GPR149: variants seen among roughly 807,000 people sequenced by gnomAD.
GPR149 encodes the protein G protein-coupled receptor 149.
A neutral mutation model predicts 50.2 loss-of-function variants in GPR149; 50 were observed. The observed-to-expected ratio is 1.00, with a 90% CI of 0.79 to 1.26. The LOEUF (loss-of-function observed/expected upper bound fraction) is 1.26, where lower values mean the gene tolerates loss of function less well. Ranked by LOEUF, GPR149 falls within the 50% of genes most tolerant of loss-of-function variation. The probability of loss-of-function intolerance (pLI) is 0.00; values close to 1 mark genes in which losing one functional copy is unlikely to be tolerated. For missense variants in GPR149, 983 were observed against 895.4 expected (o/e 1.10, Z -1.25); for synonymous variants, 405 against 358.2 (o/e 1.13, Z -1.48).
chr3:154,375,594 ATT>A (rs1476035112), intron 3 of GPR149, among the ~76,000 whole-genome samples: 1 of 152,210 alleles, frequency 6.6e-6, no homozygotes, highest in African/African-American at 2.4e-5. Flanking sequence ...CTTATCAAAC[ATT>A]TTAACAGATG....
At chr3:154,426,941 T>A (rs1179129980) in intron 2 of GPR149, among the ~76,000 whole-genome samples, 1 of 151,700 alleles carries the variant, frequency 6.6e-6, no homozygotes, top group East Asian at 1.9e-4. Context: ...ACACTTACAA[T>A]TTGTTTTGGA....
intron 3 of GPR149, among the ~76,000 whole-genome samples, chr3:154,347,909 C>A (rs1438588400): frequency 6.6e-6 from 1 of 152,142 alleles, no homozygotes; most frequent in African/African-American, 2.4e-5. Flanking sequence ...TGAAGTATTG[C>A]AAAGGCAAAA....
chr3:154,361,957 T>C (rs1165829290), intron 3 of GPR149, among the ~76,000 whole-genome samples: 1 of 152,032 alleles, frequency 6.6e-6, no homozygotes, highest in Non-Finnish European at 1.5e-5. Context: ...AATTTAGTAG[T>C]TTAGAATTGG....
chr3:154,355,318 G>A (rs192983386), intron 3 of GPR149, among the ~76,000 whole-genome samples: 6 of 152,304 alleles, frequency 3.9e-5, no homozygotes, highest in African/African-American at 7.2e-5. Flanking sequence ...GAGCCACCAC[G>A]CCCGGCCACT....
chr3:154,407,693 T>TACACACACACACACACACACAC (rs1175398541), intron 3 of GPR149, among the ~76,000 whole-genome samples: 1,558 of 139,920 alleles, frequency 0.011, 19 homozygotes, highest in East Asian at 0.038. Context: ...GTCATGTGTA[T>TACACACACACACACACACACAC]ACACACACAC....
intron 3 of GPR149, among the ~76,000 whole-genome samples, chr3:154,413,458 G>GA (rs1177883077): frequency 6.6e-6 from 1 of 151,410 alleles, no homozygotes; most frequent in Non-Finnish European, 1.5e-5. Context: ...GGTCATCAAG[G>GA]AAAAAACAAA....
At chr3:154,339,400 G>C (rs1559967827) in intron 3 of GPR149, among the ~76,000 whole-genome samples, 1 of 152,192 alleles carries the variant, frequency 6.6e-6, no homozygotes, top group Non-Finnish European at 1.5e-5. Flanking sequence ...TTTTATATAA[G>C]TGCTTACCAC....
intron 3 of GPR149, among the ~76,000 whole-genome samples, chr3:154,360,922 C>G (rs902366978): frequency 1.3e-5 from 2 of 152,102 alleles, no homozygotes; most frequent in African/African-American, 4.8e-5. Context: ...ACTAATTTCT[C>G]TTTTGAAGAA....
chr3:154,350,495 T>C (rs1409189437), intron 3 of GPR149, among the ~76,000 whole-genome samples: 2 of 152,142 alleles, frequency 1.3e-5, no homozygotes, highest in Non-Finnish European at 1.5e-5. Context: ...GAAACATGTA[T>C]AGGACTAATA....
At chr3:154,354,086 G>T (rs1277492796) in intron 3 of GPR149, 6 of 460,202 alleles carry the variant, frequency 1.3e-5, no homozygotes, top group Admixed American at 6.3e-5. Context: ...GAATTTATCT[G>T]AAAGTCTACA....
chr3:154,364,791 G>A (rs540801279), intron 3 of GPR149, among the ~76,000 whole-genome samples: 1 of 152,236 alleles, frequency 6.6e-6, no homozygotes. Context: ...GCTGGATGCT[G>A]CTCATGCAGC....
At chr3:154,353,523 T>C in intron 3 of GPR149, 1 of 919,232 alleles carries the variant, frequency 1.1e-6, no homozygotes, top group East Asian at 2.4e-5. Flanking sequence ...CAGATGATCT[T>C]TGATATGACC....
intron 3 of GPR149, among the ~76,000 whole-genome samples, chr3:154,406,855 T>C (rs2108421251): frequency 1.3e-5 from 2 of 152,292 alleles, no homozygotes; most frequent in Admixed American, 1.3e-4. Flanking sequence ...CGTTCTCACG[T>C]TGCTGATAAA....
intron 3 of GPR149, among the ~76,000 whole-genome samples, chr3:154,368,173 T>A (rs913263439): frequency 2.0e-5 from 3 of 152,214 alleles, no homozygotes; most frequent in Admixed American, 1.3e-4. Context: ...AGGCTCCCCC[T>A]GCAAGGGTTA....
intron 3 of GPR149, among the ~76,000 whole-genome samples, chr3:154,391,269 A>G (rs1159340721): frequency 1.3e-5 from 2 of 151,942 alleles, no homozygotes; most frequent in East Asian, 1.9e-4. Context: ...ACACAATATA[A>G]AAAGATATAA....
rs1309431160 is a variant in GPR149 at position 154,428,837 on chromosome 3, C to A, written c.779G>T (p.Ser260Ile). ...AGAGCATCCCCCAGAGCGCCGCAGACTCGGGCCTGGAGCATCCTCTGGGGA... is the reference window on the plus strand; with the variant it reads ...AGAGCATCCCCCAGAGCGCCGCAGAATCGGGCCTGGAGCATCCTCTGGGGA... ...SLSPEDAPGP[S>I]LRRSGGCSPS... The change falls in exon 1 of 4, where the codon AGT (serine) becomes ATT (isoleucine). Residue 260 changes from serine (S) to isoleucine (I), a missense_variant. Physicochemically the swap from Ser to Ile is moderately radical, Grantham distance 142. Transcript: ENST00000389740. The A allele has an allele frequency of 6.2e-7, 1 of 1,613,798 alleles. No homozygotes were observed. Among genetic ancestry groups the A allele is most frequent in the Non-Finnish European group, 8.5e-7 (1 of 1,179,936 alleles).
Position 154,338,107 on chromosome 3 carries a change from AC to A in GPR149, c.1787del (p.Ser596MetfsTer20). 1 of 1,614,122 alleles carries A rather than the reference AC, an allele frequency of 6.2e-7. No individual in the cohort carries two copies. The highest frequency in any genetic ancestry group is 1.1e-5 in the South Asian group (1 of 91,084). ...SKKIEVYRSKSVGHEPNSEDS... is the reference protein window; with the variant it reads ...SKKIEVYRSKXVGHEPNSEDS... ...CTTCTGAGTTTGGTTCATGGCCAACACTTTTGGATCGATAGACTTCTATTTT... is the reference window on the plus strand; with the variant it reads ...CTTCTGAGTTTGGTTCATGGCCAACATTTTGGATCGATAGACTTCTATTTT... On this transcript the variant is annotated frameshift_variant, in exon 4 of 4. Coordinates refer to ENST00000389740, the MANE Select transcript of GPR149 (RefSeq NM_001038705.3). LOFTEE classifies it high-confidence loss of function.
At chr3:154,402,216 G>A (rs16824000) in intron 3 of GPR149, among the ~76,000 whole-genome samples, 38,363 of 151,882 alleles carry the variant, frequency 0.25, 5,085 homozygotes, top group South Asian at 0.32. Flanking sequence ...TGTCCTTAAA[G>A]CAAATGGGAA....
chr3:154,425,373 G>A (rs899260025), intron 2 of GPR149, among the ~76,000 whole-genome samples: 1 of 151,990 alleles, frequency 6.6e-6, no homozygotes, highest in Non-Finnish European at 1.5e-5. Flanking sequence ...CATAAAACTC[G>A]AACCATCAAA....
Sources: allele counts gnomAD v4.1 joint callset (sites outside exome capture counted in the v4.1 genomes callset), GRCh38; gene constraint gnomAD v4.1.1; transcripts MANE v1.5; gene names NCBI Gene and HGNC (gene_info 2026-07-23, HGNC 2026-07-21).